GSK3B: variants seen among roughly 807,000 people sequenced by gnomAD.
The protein encoded by GSK3B is glycogen synthase kinase-3 beta.
In GSK3B, 15 loss-of-function variants were observed where a neutral mutation model predicts 56.4. The observed-to-expected ratio is 0.27, with a 90% CI of 0.18 to 0.41. The LOEUF (loss-of-function observed/expected upper bound fraction) is 0.41, where lower values mean the gene tolerates loss of function less well. Ranked by LOEUF, GSK3B falls within the 10% of genes least tolerant of loss-of-function variation. GSK3B has a pLI of 1.00. For synonymous variants in GSK3B, 181 were observed against 188.9 expected (o/e 0.96, Z 0.34); for missense variants, 300 against 513.4 (o/e 0.58, Z 4.02).
At chr3:119,848,754 GT>G (rs1388344785) in intron 9 of GSK3B, among the ~76,000 whole-genome samples, 1 of 152,102 alleles carries the variant, frequency 6.6e-6, no homozygotes, top group African/African-American at 2.4e-5. Context: ...ATATCAGATT[GT>G]GGTAAAGAAA....
intron 3 of GSK3B, among the ~76,000 whole-genome samples, chr3:119,926,264 T>C (rs1292330940): frequency 6.6e-6 from 1 of 151,978 alleles, no homozygotes; most frequent in Non-Finnish European, 1.5e-5. Context: ...GTATCTGGTA[T>C]TGCTCTGGCT....
chr3:120,034,189 G>A (rs76768073), intron 1 of GSK3B, among the ~76,000 whole-genome samples: 346 of 152,168 alleles, frequency 2.3e-3, no homozygotes, highest in Middle Eastern at 6.8e-3. Context: ...CTTTCTTGAT[G>A]GTGTTTTGAA....
intron 2 of GSK3B, among the ~76,000 whole-genome samples, chr3:119,999,276 GAGAA>G (rs1252787412): frequency 6.6e-6 from 1 of 152,192 alleles, no homozygotes; most frequent in African/African-American, 2.4e-5. Flanking sequence ...AATACTGTGA[GAGAA>G]AGAGAGAAGG....
chr3:119,836,742 G>A (rs775118084), intron 10 of GSK3B, among the ~76,000 whole-genome samples: 11 of 152,270 alleles, frequency 7.2e-5, no homozygotes, highest in African/African-American at 1.7e-4. Context: ...GACCAGTCAC[G>A]AAGAGGAATG....
intron 1 of GSK3B, among the ~76,000 whole-genome samples, chr3:120,024,199 G>A (rs1008933687): frequency 2.6e-5 from 4 of 151,930 alleles, no homozygotes; most frequent in Non-Finnish European, 1.5e-5. Flanking sequence ...AGCCAGGCAC[G>A]GTGGCACACA....
intron 2 of GSK3B, among the ~76,000 whole-genome samples, chr3:119,985,344 A>G (rs992013729): frequency 1.3e-5 from 2 of 152,266 alleles, no homozygotes; most frequent in African/African-American, 2.4e-5. Flanking sequence ...CAGGGCAATC[A>G]GGCAAGAGAA....
chr3:120,078,465 C>T (rs762615072), intron 1 of GSK3B, among the ~76,000 whole-genome samples: 2 of 152,096 alleles, frequency 1.3e-5, no homozygotes, highest in Non-Finnish European at 2.9e-5. Context: ...ATACGACAAA[C>T]ACACCCTTTG....
At chr3:119,842,070 C>A (rs939184765) in intron 10 of GSK3B, among the ~76,000 whole-genome samples, 2 of 151,972 alleles carry the variant, frequency 1.3e-5, no homozygotes, top group African/African-American at 4.8e-5. Context: ...CTGCCATTAG[C>A]TTTTTGGAGA....
intron 3 of GSK3B, among the ~76,000 whole-genome samples, chr3:119,933,473 G>A (rs1287091147): frequency 1.3e-5 from 2 of 152,164 alleles, no homozygotes; most frequent in Admixed American, 6.5e-5. Context: ...CATAAAATTT[G>A]TGAAGAGCAA....
intron 1 of GSK3B, among the ~76,000 whole-genome samples, chr3:120,020,818 G>A (rs537284377): frequency 2.6e-5 from 4 of 152,340 alleles, no homozygotes; most frequent in African/African-American, 7.2e-5. Context: ...AAACAGCCAA[G>A]TTATGAATAC....
At chr3:119,846,113 T>C (rs1426214719) in intron 9 of GSK3B, among the ~76,000 whole-genome samples, 4 of 152,214 alleles carry the variant, frequency 2.6e-5, no homozygotes, top group Admixed American at 1.3e-4. Flanking sequence ...AGACTGAAAC[T>C]GGACCCCTTC....
chr3:119,933,735 G>T (rs2056968602), intron 3 of GSK3B, among the ~76,000 whole-genome samples: 1 of 151,988 alleles, frequency 6.6e-6, no homozygotes. Flanking sequence ...AAATTAGCCA[G>T]GCATGGTGGC....
At chr3:120,084,487 C>A (rs771213413) in intron 1 of GSK3B, 1 of 152,164 alleles carries the variant, frequency 6.6e-6, no homozygotes, top group Non-Finnish European at 1.5e-5. Flanking sequence ...TATTTGATTT[C>A]TTTAAATCAT....
chr3:120,029,177 G>C, intron 1 of GSK3B: 1 of 684,638 alleles, frequency 1.5e-6, no homozygotes, highest in Non-Finnish European at 2.7e-6. Flanking sequence ...TCACAAAAAA[G>C]AGACTTCAGA....
At chr3:120,025,619 T>C (rs2057916237) in intron 1 of GSK3B, among the ~76,000 whole-genome samples, 2 of 152,300 alleles carry the variant, frequency 1.3e-5, no homozygotes, top group Middle Eastern at 6.8e-3. Flanking sequence ...GAGAGCACTA[T>C]ATCTGCAGGA....
intron 3 of GSK3B, among the ~76,000 whole-genome samples, chr3:119,946,234 T>C (rs2057098864): frequency 6.6e-6 from 1 of 152,184 alleles, no homozygotes. Context: ...CTTAATACAT[T>C]GACATCTTCC....
At chr3:119,833,713 T>C (rs2055641863) in intron 10 of GSK3B, among the ~76,000 whole-genome samples, 2 of 149,192 alleles carry the variant, frequency 1.3e-5, no homozygotes, top group South Asian at 4.3e-4. Context: ...TTTTTTTTTT[T>C]TAGACAGGGT....
At chr3:120,032,865 TAA>T (rs1178693126) in intron 1 of GSK3B, among the ~76,000 whole-genome samples, 1 of 152,230 alleles carries the variant, frequency 6.6e-6, no homozygotes. Flanking sequence ...CCAGCTTCAT[TAA>T]GTTTTAATTC....
intron 1 of GSK3B, among the ~76,000 whole-genome samples, chr3:120,051,518 G>C (rs1013179379): frequency 1.2e-4 from 18 of 152,176 alleles, no homozygotes; most frequent in Admixed American, 9.2e-4. Context: ...TGCAATCCCA[G>C]CAATTTGGAA....
Sources: gnomAD v4.1 joint callset for allele counts (sites outside exome capture counted in the v4.1 genomes callset) on GRCh38, gnomAD v4.1.1 for gene constraint, MANE v1.5 for transcripts, NCBI Gene and HGNC (gene_info 2026-07-23, HGNC 2026-07-21) for gene names.